The following ADK variants were observed in gnomAD, a reference collection of about 807,000 sequenced individuals.
The protein encoded by ADK is N6,N6-dimethyladenosine kinase.
In ADK, 24 loss-of-function variants were observed where a neutral mutation model predicts 44.7. The ratio of observed to expected loss-of-function variants is 0.54; its 90% CI spans 0.39 to 0.76. The LOEUF is 0.76. Ranked by LOEUF, ADK falls within the 30% of genes least tolerant of loss-of-function variation. The pLI is 0.00. For missense variants in ADK, 321 were observed against 425.1 expected, an observed-to-expected ratio of 0.76 and a Z score of 2.15; for synonymous variants, 128 against 142.6, an observed-to-expected ratio of 0.90 and a Z score of 0.73.
intron 6 of ADK, among the ~76,000 whole-genome samples, chr10:74,505,385 C>T (rs1459678751): frequency 1.3e-5 from 2 of 152,142 alleles, no homozygotes; most frequent in Non-Finnish European, 2.9e-5. Flanking sequence ...CATCTTCTTT[C>T]TCATCATCTG....
At chr10:74,398,446 C>T in intron 5 of ADK, 25 bp from the exon 6 acceptor site, 1 of 1,480,480 alleles carries the variant, frequency 6.8e-7, no homozygotes, top group Non-Finnish European at 9.4e-7. Flanking sequence ...TATAATATTA[C>T]TTGCTTATTC....
At chr10:74,701,055 G>T (rs1464658137) in intron 10 of ADK, among the ~76,000 whole-genome samples, 2 of 152,084 alleles carry the variant, frequency 1.3e-5, no homozygotes, top group Non-Finnish European at 2.9e-5. Context: ...TAGTAGATTT[G>T]GATTTTTTTC....
rs367982701 is a variant in ADK, at chr10:74,598,440, C to CTTT, written c.763-1939_763-1938insTTT. On this transcript the variant is annotated intron_variant, in intron 8 of 10. Transcript: ENST00000539909. ...TAGAAAGCAACCATGGAATCTTATT[C>CTTT]CTTTTTTTTTTTTTTTTTTTTTTTT... is the stretch of plus-strand genomic sequence containing the variant. 2.2e-3 allele frequency among the ~76,000 whole-genome samples: 252 copies of CTTT among 114,048 alleles called. 42 individuals are homozygous for CTTT. Among genetic ancestry groups the CTTT allele is most frequent in the East Asian group, 0.013 (35 of 2,740 alleles). 74.8% of individuals were successfully genotyped at this position (114,048 alleles called of 152,430 possible). A position where few individuals can be genotyped will look rare whatever the true frequency, so the allele number is the denominator to read the frequency against.
At chr10:74,621,452 A>G (rs191223446) in intron 9 of ADK, among the ~76,000 whole-genome samples, 216 of 152,310 alleles carry the variant, frequency 1.4e-3, no homozygotes, top group Non-Finnish European at 2.6e-3. Flanking sequence ...TGCCAATAAC[A>G]TGCTGTTTTG....
chr10:74,261,866 T>C (rs10824134), intron 3 of ADK, among the ~76,000 whole-genome samples: 73,315 of 151,576 alleles, frequency 0.48, 20,174 homozygotes, highest in Non-Finnish European at 0.62. Flanking sequence ...GTTCTGAGCA[T>C]GTAATGGGCC....
At chr10:74,612,483 G>T (rs1346317000) in intron 9 of ADK, among the ~76,000 whole-genome samples, 1 of 151,942 alleles carries the variant, frequency 6.6e-6, no homozygotes, top group Non-Finnish European at 1.5e-5. Flanking sequence ...GGAGTAATTT[G>T]GGTTTTTCTT....
At chr10:74,624,193 A>G (rs982946623) in intron 9 of ADK, among the ~76,000 whole-genome samples, 3 of 151,636 alleles carry the variant, frequency 2.0e-5, no homozygotes, top group African/African-American at 7.3e-5. Flanking sequence ...TCCTATTTCA[A>G]CTGCTCTAGA....
At chr10:74,302,105 GTTTGTTTTTTTTTTT>G (rs1564642280) in intron 3 of ADK, among the ~76,000 whole-genome samples, 31,075 of 88,630 alleles carry the variant, frequency 0.35, 8,775 homozygotes, top group Non-Finnish European at 0.43. Context: ...TTTTTTGTTT[GTTTGTTTTTTTTTTT>G]TTTTTTTTTT....
intron 9 of ADK, chr10:74,655,504 A>C (rs891869456): frequency 4.1e-6 from 2 of 490,296 alleles, no homozygotes; most frequent in Non-Finnish European, 8.3e-6. Context: ...TGGCTCACTC[A>C]GGGTGGCTTT....
chr10:74,176,414 A>C (rs553802983), intron 1 of ADK: 1 of 998,044 alleles, frequency 1.0e-6, no homozygotes, highest in Non-Finnish European at 1.2e-6. Flanking sequence ...CCTCTTTCCT[A>C]AGTGCTGTTA....
intron 9 of ADK, among the ~76,000 whole-genome samples, chr10:74,628,037 A>G (rs1015082693): frequency 3.9e-5 from 6 of 152,212 alleles, no homozygotes. Flanking sequence ...GGGGATCATT[A>G]GGTTTCTTTG....
rs1049725307 is a variant in ADK, at chr10:74,190,262, C to G, written c.66-10502C>G. On this transcript the variant is annotated intron_variant, in intron 1 of 10. Coordinates refer to ENST00000539909, the MANE Select transcript of ADK (RefSeq NM_006721.4). ...CAATACTTGTTACTGTTCTAGTCTT[C>G]GCTGAGAGGCTCTGTGTGCTTGTTG... Among the ~76,000 whole-genome samples, 4 of 152,310 alleles carry G rather than the reference C, an allele frequency of 2.6e-5. No individual in the cohort carries two copies. The East Asian group carries it at 7.7e-4, about 29-fold the overall frequency.
At chr10:74,372,607 A>G (rs1842696524) in intron 4 of ADK, among the ~76,000 whole-genome samples, 1 of 152,208 alleles carries the variant, frequency 6.6e-6, no homozygotes, top group Admixed American at 6.5e-5. Context: ...TTTCATTTAA[A>G]TATCTTAAAA....
chr10:74,336,251 A>G (rs575992302), intron 4 of ADK, among the ~76,000 whole-genome samples: 4 of 152,286 alleles, frequency 2.6e-5, no homozygotes, highest in South Asian at 2.1e-4. Context: ...GCTTTGGCAT[A>G]TGGATATCCA....
chr10:74,601,001 T>C (rs1852101120), intron 9 of ADK, among the ~76,000 whole-genome samples: 2 of 151,868 alleles, frequency 1.3e-5, no homozygotes, highest in African/African-American at 4.8e-5. Context: ...AGTGTTAATA[T>C]GGAGCTACCC....
intron 4 of ADK, among the ~76,000 whole-genome samples, chr10:74,361,749 A>C (rs1007532059): frequency 1.7e-4 from 26 of 152,324 alleles, no homozygotes; most frequent in African/African-American, 6.3e-4. Context: ...GACAAGTCTG[A>C]TTATGGTAAA....
chr10:74,461,143 A>C (rs1202470720), intron 6 of ADK, among the ~76,000 whole-genome samples: 1 of 145,090 alleles, frequency 6.9e-6, no homozygotes, highest in East Asian at 1.9e-4. Flanking sequence ...AACCGGAAAT[A>C]GAATTTTTTT....
intron 1 of ADK, among the ~76,000 whole-genome samples, chr10:74,187,554 C>G (rs995994934): frequency 6.6e-6 from 1 of 152,066 alleles, no homozygotes; most frequent in African/African-American, 2.4e-5. Context: ...TTCTCCTGGT[C>G]TGAGCTATGT....
At chr10:74,491,115 G>A (rs541248808) in intron 6 of ADK, among the ~76,000 whole-genome samples, 14 of 151,922 alleles carry the variant, frequency 9.2e-5, no homozygotes, top group South Asian at 4.2e-4. Context: ...ATTAAATACC[G>A]GATCAGCTTA....
Sources: gnomAD v4.1 joint callset for allele counts (sites outside exome capture counted in the v4.1 genomes callset) on GRCh38, gnomAD v4.1.1 for gene constraint, MANE v1.5 for transcripts, NCBI Gene and HGNC (gene_info 2026-07-23, HGNC 2026-07-21) for gene names.